Variants in EFR3A observed in about 807,000 individuals in gnomAD.
EFR3A encodes EFR3 homolog A.
Under a neutral mutation model 104.4 loss-of-function variants are expected in EFR3A, and 76 were observed. The observed-to-expected ratio is 0.73, with a 90% CI of 0.60 to 0.88. EFR3A has a LOEUF of 0.88. EFR3A is among the 40% of genes least tolerant of loss of function. The pLI is 0.00. For missense variants in EFR3A, 985 were observed against 1,012.5 expected, an observed-to-expected ratio of 0.97 and a Z score of 0.37; for synonymous variants, 330 against 330.0, an observed-to-expected ratio of 1.00 and a Z score of 0.00.
chr8:131,940,470 G>A, intron 1 of EFR3A, 29 bp from the exon 2 acceptor site: 1 of 1,528,578 alleles, frequency 6.5e-7, no homozygotes, highest in Non-Finnish European at 8.8e-7. Context: ...AATAATATCT[G>A]TATTTCTTGA....
At chr8:131,921,397 T>C (rs1382123290) in intron 1 of EFR3A, among the ~76,000 whole-genome samples, 1 of 152,168 alleles carries the variant, frequency 6.6e-6, no homozygotes, top group East Asian at 1.9e-4. Context: ...TATCCTAACT[T>C]GATTACTACT....
chr8:131,961,518 A>C (rs1015200389), intron 8 of EFR3A, among the ~76,000 whole-genome samples: 9 of 152,206 alleles, frequency 5.9e-5, no homozygotes, highest in Admixed American at 5.9e-4. Flanking sequence ...AGAAAAAAGA[A>C]TAAAAAGAAA....
intron 1 of EFR3A, among the ~76,000 whole-genome samples, chr8:131,908,307 G>A (rs1046083328): frequency 2.0e-5 from 3 of 152,050 alleles, no homozygotes; most frequent in South Asian, 2.1e-4. Flanking sequence ...TGATCCACCC[G>A]TCTCGGCCTC....
chr8:131,960,232 T>A (rs1819236964), intron 8 of EFR3A, among the ~76,000 whole-genome samples: 1 of 152,188 alleles, frequency 6.6e-6, no homozygotes. Flanking sequence ...AGCTGATCCT[T>A]GAATAACATG....
intron 1 of EFR3A, among the ~76,000 whole-genome samples, chr8:131,927,301 T>G (rs567345166): frequency 7.9e-5 from 12 of 152,330 alleles, no homozygotes; most frequent in Non-Finnish European, 1.5e-4. Flanking sequence ...ACATGTTAGT[T>G]TGCCACTGCC....
intron 1 of EFR3A, among the ~76,000 whole-genome samples, chr8:131,926,666 C>CTGGA (rs1392707442): frequency 6.6e-6 from 1 of 151,966 alleles, no homozygotes; most frequent in South Asian, 2.1e-4. Flanking sequence ...GTTGCTCAGG[C>CTGGA]TGGAGTGCAG....
In EFR3A at chr8:132,012,283, G is replaced by C. The variant is rs199935992; in HGVS notation, c.*1388G>C. On this transcript the variant is annotated 3_prime_UTR_variant, in exon 23 of 23. Transcript: ENST00000254624. The stretch of plus-strand genomic sequence containing the variant: ...GGGATGTTTGTGTTTATGGCTATTT[G>C]GGCACCTTTAGTAGAAACAGACAAA... 1 of 152,028 alleles carries C rather than the reference G, an allele frequency of 6.6e-6. No homozygotes were observed. The highest frequency in any genetic ancestry group is 6.6e-5 in the Admixed American group (1 of 15,250). The allele number at this position is 152,028 out of a possible 1,614,324, so 9.4% of individuals were successfully genotyped here. A position where few individuals can be genotyped will look rare whatever the true frequency, so the allele number is the denominator to read the frequency against.
chr8:131,932,914 T>C (rs1817682732), intron 1 of EFR3A, among the ~76,000 whole-genome samples: 1 of 152,122 alleles, frequency 6.6e-6, no homozygotes, highest in African/African-American at 2.4e-5. Context: ...TCTGTTTTTC[T>C]CCCTCTTAAT....
At chr8:132,002,238 C>T (rs546203152) in intron 20 of EFR3A, among the ~76,000 whole-genome samples, 14 of 152,178 alleles carry the variant, frequency 9.2e-5, no homozygotes, top group African/African-American at 2.9e-4. Flanking sequence ...TGTAGTACCT[C>T]GTATGTGCAA....
chr8:131,919,485 A>G (rs7819745), intron 1 of EFR3A, among the ~76,000 whole-genome samples: 65,298 of 151,096 alleles, frequency 0.43, 14,351 homozygotes, highest in Middle Eastern at 0.55. Flanking sequence ...CTACTCAGCT[A>G]CTCAGGAGGC....
At chr8:132,010,449 T>TATATATATATAA (rs1326843233) in intron 22 of EFR3A, among the ~76,000 whole-genome samples, 2 of 128,402 alleles carry the variant, frequency 1.6e-5, no homozygotes, top group African/African-American at 5.8e-5. Flanking sequence ...TATATATATA[T>TATATATATATAA]AATGAAATAC....
At chr8:132,006,529 T>G (rs1822062827) in intron 22 of EFR3A, among the ~76,000 whole-genome samples, 1 of 152,036 alleles carries the variant, frequency 6.6e-6, no homozygotes, top group South Asian at 2.1e-4. Context: ...ACTGTTGAAA[T>G]AGATTTGCAG....
Position 131,987,450 on chromosome 8 carries a change from A to G in EFR3A, c.1938-125A>G, listed in dbSNP as rs538329358. On this transcript the variant is annotated intron_variant, in intron 17 of 22. Coordinates refer to ENST00000254624, the MANE Select transcript of EFR3A (RefSeq NM_015137.6). ...CCTAAAATATACTGATTTTTCTGCT[A>G]CTACAGTTTACATTGTGTTTATATT... The G allele has an allele frequency of 3.2e-5, 34 of 1,071,428 alleles. 1 individual carries two copies. In the South Asian group the frequency reaches 4.7e-4, roughly 15 times the overall value. The allele number at this position is 1,071,428 out of a possible 1,614,324, so 66.4% of individuals were successfully genotyped here.
rs1820359760 is a variant in EFR3A, at chr8:131,977,091, T to C, written c.1325T>C (p.Met442Thr). ...ATAATGTTGCTGAGATCTTTGCTTA[T>C]GGTAAGGCATTTAAGACAAATAAAG... Reference protein sequence around the residue: ...IQIMLLRSLLMVTSGYKAKTI... With the variant: ...IQIMLLRSLLTVTSGYKAKTI... The change falls in exon 12 of 23, where the codon ATG becomes ACG. Residue 442 changes from methionine to threonine, a missense_variant and splice_region_variant. Physicochemically the swap from Met to Thr is moderately conservative, Grantham distance 81. Transcript: ENST00000254624. 6.3e-7 allele frequency: 1 copy of C among 1,599,488 alleles called. No homozygotes were observed. Among genetic ancestry groups the C allele is most frequent in the African/African-American group, 1.3e-5 (1 of 74,586 alleles).
At chr8:131,924,982 T>C (rs1817231163) in intron 1 of EFR3A, among the ~76,000 whole-genome samples, 2 of 152,148 alleles carry the variant, frequency 1.3e-5, no homozygotes, top group South Asian at 4.1e-4. Context: ...TATATACTAC[T>C]TTCAACAAAA....
Position 131,978,909 on chromosome 8 carries a change from T to G in EFR3A, c.1389T>G (p.Pro463=). 1 of 1,612,962 alleles carries G rather than the reference T, an allele frequency of 6.2e-7. No homozygotes were observed. The highest frequency in any genetic ancestry group is 8.5e-7 in the Non-Finnish European group (1 of 1,179,232). The change falls in exon 13 of 23, where the codon CCT becomes CCG. Residue 463 remains proline (P), a synonymous_variant. Coordinates refer to ENST00000254624, the MANE Select transcript of EFR3A (RefSeq NM_015137.6). ...CACTGCCAGGGTCTTTCCTGGATCC[T>G]TTGTTATCACCATCTCTCATGGAGG... The part of the protein sequence containing the change: ...VTALPGSFLD[P]LLSPSLMEDY...
At chr8:131,936,257 G>A (rs575863883) in intron 1 of EFR3A, among the ~76,000 whole-genome samples, 1 of 152,128 alleles carries the variant, frequency 6.6e-6, no homozygotes, top group Non-Finnish European at 1.5e-5. Context: ...GAATTTTCTT[G>A]CAGTGTTGAG....
chr8:131,914,141 G>T (rs115504606), intron 1 of EFR3A, among the ~76,000 whole-genome samples: 10 of 152,216 alleles, frequency 6.6e-5, no homozygotes, highest in South Asian at 4.2e-4. Context: ...CATCTACAGT[G>T]GGGGGGACAC....
At chr8:131,916,044 C>T (rs1816731671) in intron 1 of EFR3A, among the ~76,000 whole-genome samples, 1 of 152,078 alleles carries the variant, frequency 6.6e-6, no homozygotes, top group South Asian at 2.1e-4. Context: ...AGACAGGGAG[C>T]TTTAGAGGGC....
Sources: allele counts gnomAD v4.1 joint callset (sites outside exome capture counted in the v4.1 genomes callset), GRCh38; gene constraint gnomAD v4.1.1; transcripts MANE v1.5; gene names NCBI Gene and HGNC (gene_info 2026-07-23, HGNC 2026-07-21).